The following IL1RAPL2 variants were observed in gnomAD, a reference collection of about 807,000 sequenced individuals.
IL1RAPL2 encodes interleukin 1 receptor accessory protein like 2, also known as X-linked interleukin-1 receptor accessory protein-like 2.
Under a neutral mutation model 44.1 loss-of-function variants are expected in IL1RAPL2, and 3 were observed. That is an observed-to-expected ratio of 0.07 (90% CI 0.03 to 0.18). The LOEUF is 0.18. IL1RAPL2 is among the 10% of genes least tolerant of loss of function. IL1RAPL2 has a pLI of 1.00. For synonymous variants in IL1RAPL2, 181 were observed against 178.8 expected, an observed-to-expected ratio of 1.01 and a Z score of -0.10; for missense variants, 391 against 496.4, an observed-to-expected ratio of 0.79 and a Z score of 2.02.
chrX:104,604,138 T>C (rs1166188188), intron 1 of IL1RAPL2, among the ~76,000 whole-genome samples: 1 of 111,206 alleles, frequency 9.0e-6, no homozygotes, highest in Non-Finnish European at 1.9e-5. Flanking sequence ...CAGAAGAGAG[T>C]GGGGGCCAAT....
chrX:105,336,878 T>C (rs2035032651), intron 5 of IL1RAPL2, among the ~76,000 whole-genome samples: 1 of 112,156 alleles, frequency 8.9e-6, no homozygotes, highest in South Asian at 3.7e-4. Flanking sequence ...TCCTCCATGT[T>C]AGAAACCTAG....
intron 5 of IL1RAPL2, among the ~76,000 whole-genome samples, chrX:105,414,991 T>G (rs111768255): frequency 8.9e-6 from 1 of 111,771 alleles, no homozygotes; most frequent in South Asian, 3.7e-4. Flanking sequence ...GTAATAGTCA[T>G]AGAAAGAGAA....
intron 5 of IL1RAPL2, among the ~76,000 whole-genome samples, chrX:105,343,928 T>C (rs1451706549): frequency 2.8e-5 from 3 of 108,757 alleles, no homozygotes; most frequent in Admixed American, 2.0e-4. Context: ...TCTCACTCAC[T>C]CTGTTTCCCA....
intron 2 of IL1RAPL2, among the ~76,000 whole-genome samples, chrX:105,089,257 G>A (rs908188515): frequency 9.0e-6 from 1 of 110,993 alleles, no homozygotes; most frequent in Admixed American, 9.7e-5. Flanking sequence ...ACCCCTTTGA[G>A]GAAGTTTAAA....
intron 2 of IL1RAPL2, among the ~76,000 whole-genome samples, chrX:104,689,964 C>T (rs769025167): frequency 2.7e-5 from 3 of 112,217 alleles, no homozygotes; most frequent in Non-Finnish European, 3.8e-5. Context: ...TCATTTGGTA[C>T]ATTTATTTAT....
intron 5 of IL1RAPL2, among the ~76,000 whole-genome samples, chrX:105,435,206 T>C (rs1289201739): frequency 8.9e-6 from 1 of 111,847 alleles, no homozygotes; most frequent in Non-Finnish European, 1.9e-5. Context: ...ACTTTTATGG[T>C]TCCATATGAA....
intron 2 of IL1RAPL2, among the ~76,000 whole-genome samples, chrX:104,685,237 C>T (rs1930964515): frequency 8.9e-6 from 1 of 112,200 alleles, no homozygotes; most frequent in African/African-American, 3.2e-5. Context: ...GGCATTACCC[C>T]TATCCTCTTC....
At chrX:105,320,940 A>G (rs1300887156) in intron 5 of IL1RAPL2, among the ~76,000 whole-genome samples, 2 of 111,194 alleles carry the variant, frequency 1.8e-5, no homozygotes, top group Admixed American at 1.9e-4. Flanking sequence ...CTCTCTGGAA[A>G]ATCTTTCCAG....
chrX:104,907,270 T>G (rs1224132446), intron 2 of IL1RAPL2, among the ~76,000 whole-genome samples: 1 of 111,917 alleles, frequency 8.9e-6, no homozygotes, highest in Admixed American at 9.5e-5. Flanking sequence ...GATTCATTAA[T>G]TTTTTGAAGG....
At chrX:105,563,187 C>T (rs1445269432) in intron 6 of IL1RAPL2, among the ~76,000 whole-genome samples, 1 of 111,590 alleles carries the variant, frequency 9.0e-6, no homozygotes, top group Admixed American at 9.5e-5. Flanking sequence ...TTTATCTTCA[C>T]CAAAATCCTG....
chrX:104,645,694 T>C (rs1930023507), intron 1 of IL1RAPL2, among the ~76,000 whole-genome samples: 1 of 112,872 alleles, frequency 8.9e-6, no homozygotes, highest in Non-Finnish European at 1.9e-5. Flanking sequence ...TACTAGACTG[T>C]GATCACACAA....
intron 3 of IL1RAPL2, among the ~76,000 whole-genome samples, chrX:105,229,655 C>T (rs1347440436): frequency 1.8e-5 from 2 of 112,002 alleles, no homozygotes; most frequent in African/African-American, 3.2e-5. Flanking sequence ...ACACCATCTA[C>T]GTTGTTTATA....
intron 6 of IL1RAPL2, among the ~76,000 whole-genome samples, chrX:105,643,879 C>CT (rs1015470435): frequency 1.8e-5 from 2 of 110,682 alleles, no homozygotes; most frequent in African/African-American, 6.6e-5. Context: ...TTAAAGCAAG[C>CT]TTTTTTTTCT....
At chrX:105,027,865 GAT>G (rs753680107) in intron 2 of IL1RAPL2, among the ~76,000 whole-genome samples, 8 of 111,825 alleles carry the variant, frequency 7.2e-5, no homozygotes, top group Non-Finnish European at 1.3e-4. Context: ...ATATTGAAGA[GAT>G]ATCTGCACAC....
At chrX:104,695,968 C>T (rs952148434) in intron 2 of IL1RAPL2, among the ~76,000 whole-genome samples, 10 of 110,886 alleles carry the variant, frequency 9.0e-5, no homozygotes, top group Non-Finnish European at 1.3e-4. Context: ...CCACCACACC[C>T]GGCTAATTTT....
chrX:105,039,009 G>A (rs1462563058), intron 2 of IL1RAPL2, among the ~76,000 whole-genome samples: 1 of 111,087 alleles, frequency 9.0e-6, no homozygotes, highest in African/African-American at 3.3e-5. Flanking sequence ...GTCATATCAA[G>A]GAAAAATGAC....
At chrX:105,336,526 A>G (rs2035030057) in intron 5 of IL1RAPL2, among the ~76,000 whole-genome samples, 1 of 112,136 alleles carries the variant, frequency 8.9e-6, no homozygotes, top group African/African-American at 3.2e-5. Flanking sequence ...CTCCTTAGTC[A>G]TAGATGTAGC....
At chrX:105,668,005 ATAGATAGTATATATATTTTG>A (rs1389239658) in intron 6 of IL1RAPL2, among the ~76,000 whole-genome samples, 1 of 103,166 alleles carries the variant, frequency 9.7e-6, no homozygotes, top group East Asian at 3.2e-4. Flanking sequence ...TGGACTCCAT[ATAGATAGTATATATATTTTG>A]GGATGGTACT....
chrX:104,809,756 T>G (rs1490199237), intron 2 of IL1RAPL2, among the ~76,000 whole-genome samples: 1 of 111,481 alleles, frequency 9.0e-6, no homozygotes, highest in Non-Finnish European at 1.9e-5. Flanking sequence ...GTCAATTTTG[T>G]CTTTTGTTGC....
Sources: allele counts gnomAD v4.1 joint callset (sites outside exome capture counted in the v4.1 genomes callset), GRCh38; gene constraint gnomAD v4.1.1; transcripts MANE v1.5; gene names NCBI Gene and HGNC (gene_info 2026-07-23, HGNC 2026-07-21).